The following PLA2R1 variants were observed in gnomAD, a reference collection of about 807,000 sequenced individuals.
PLA2R1 encodes secretory phospholipase A2 receptor.
A neutral mutation model predicts 195.9 loss-of-function variants in PLA2R1; 158 were observed. That is an observed-to-expected ratio of 0.81 (90% confidence interval 0.71 to 0.92). The LOEUF (loss-of-function observed/expected upper bound fraction) is 0.92, where lower values mean the gene tolerates loss of function less well. Ranked by LOEUF, PLA2R1 falls within the 40% of genes least tolerant of loss-of-function variation. The pLI, the probability that PLA2R1 is intolerant of heterozygous loss-of-function variation, is 0.00. For missense variants in PLA2R1, 1,626 were observed against 1,764.6 expected, an observed-to-expected ratio of 0.92 and a Z score of 1.41; for synonymous variants, 586 against 598.2, an observed-to-expected ratio of 0.98 and a Z score of 0.30.
chr2:160,057,097 G>A (rs1278646083), intron 1 of PLA2R1, among the ~76,000 whole-genome samples: 2 of 152,166 alleles, frequency 1.3e-5, no homozygotes. Context: ...TAGCTAGCAT[G>A]CTGTGAAGAA....
intron 8 of PLA2R1, among the ~76,000 whole-genome samples, chr2:160,017,314 C>T (rs1207461088): frequency 6.6e-6 from 1 of 152,122 alleles, no homozygotes; most frequent in African/African-American, 2.4e-5. Context: ...GCATTCCTAA[C>T]AAGTTTTCAG....
At chr2:160,052,612 T>A (rs1401322124) in intron 1 of PLA2R1, among the ~76,000 whole-genome samples, 5 of 152,246 alleles carry the variant, frequency 3.3e-5, no homozygotes, top group Non-Finnish European at 7.3e-5. Flanking sequence ...GTTGAAAATA[T>A]ACCATCTCAG....
At chr2:160,009,663 G>GA (rs1360214034) in intron 10 of PLA2R1, among the ~76,000 whole-genome samples, 1 of 151,938 alleles carries the variant, frequency 6.6e-6, no homozygotes, top group Non-Finnish European at 1.5e-5. Flanking sequence ...ACTGCACACT[G>GA]AAAAATGACT....
chr2:160,042,260 C>A, intron 2 of PLA2R1, 62 bp from the exon 3 acceptor site: 1 of 1,449,240 alleles, frequency 6.9e-7, no homozygotes, highest in Non-Finnish European at 9.6e-7. Context: ...TTGGAAACTG[C>A]TATATATCGA....
chr2:159,930,269 A>G (rs1022816599), downstream of PLA2R1, among the ~76,000 whole-genome samples: 4 of 152,140 alleles, frequency 2.6e-5, no homozygotes, highest in Non-Finnish European at 4.4e-5. Flanking sequence ...TTAGCCAGGC[A>G]TGGTGGCACG....
chr2:160,016,959 A>G (rs1692814370), intron 8 of PLA2R1, among the ~76,000 whole-genome samples: 1 of 152,144 alleles, frequency 6.6e-6, no homozygotes, highest in African/African-American at 2.4e-5. Context: ...ACTATTAACA[A>G]CTGGTGCTTC....
chr2:159,941,696 G>A lies in PLA2R1; in HGVS notation c.*82C>T. On this transcript the variant is annotated 3_prime_UTR_variant, in exon 30 of 30. Transcript: ENST00000283243. Reference sequence around the variant, plus strand: ...CAATTCACATTCTAATGGCATCTGTGCTGTAAAGGGAAAGACAGATGAGAC... The same window carrying A: ...CAATTCACATTCTAATGGCATCTGTACTGTAAAGGGAAAGACAGATGAGAC... The A allele has an allele frequency of 2.8e-6, 2 of 707,924 alleles. No homozygotes were observed. Among genetic ancestry groups the A allele is most frequent in the Non-Finnish European group, 5.0e-6 (2 of 401,158 alleles). 43.9% of individuals were successfully genotyped at this position (707,924 alleles called of 1,614,324 possible). A position where few individuals can be genotyped will look rare whatever the true frequency, so the allele number is the denominator to read the frequency against.
In PLA2R1 at chr2:159,951,407, T is replaced by C. The variant is rs142882313; in HGVS notation, c.3473A>G (p.Gln1158Arg). The change falls in exon 24 of 30, where the codon CAG (glutamine) becomes CGG (arginine). Residue 1158 changes from glutamine to arginine, a missense_variant. Coordinates refer to ENST00000283243, the MANE Select transcript of PLA2R1 (RefSeq NM_007366.5). The part of the protein sequence containing the change: ...QLVSITDQYH[Q>R]SFLTVVLNRL... ...GTTGAGGACAACAGTGAGGAAGGAC[T>C]GGTGATACTGGTCTGTGATGCTGAC... The C allele has an allele frequency of 3.1e-6, 5 of 1,613,888 alleles. No homozygotes were observed. In the African/African-American group the frequency reaches 5.3e-5, roughly 17 times the overall value.
intron 11 of PLA2R1, among the ~76,000 whole-genome samples, chr2:159,995,768 G>C (rs1007019447): frequency 6.6e-6 from 1 of 151,512 alleles, no homozygotes; most frequent in East Asian, 1.9e-4. Context: ...TTTAGTAACA[G>C]AGAGTTTTAG....
intron 16 of PLA2R1, 62 bp from the exon 17 acceptor site, chr2:159,976,287 A>G: frequency 8.4e-7 from 1 of 1,185,652 alleles, no homozygotes; most frequent in Non-Finnish European, 1.2e-6. Context: ...GATTGACCCC[A>G]AATTTGAGAT....
At chr2:159,981,216 C>CGTGTGTGTGTGT (rs3061613) in intron 13 of PLA2R1, among the ~76,000 whole-genome samples, 21 of 148,118 alleles carry the variant, frequency 1.4e-4, no homozygotes, top group African/African-American at 4.8e-4. Flanking sequence ...TATGTGCATA[C>CGTGTGTGTGTGT]GTGTGTGTGT....
At chr2:160,060,962 A>G (rs190893049) in intron 1 of PLA2R1, among the ~76,000 whole-genome samples, 12 of 152,388 alleles carry the variant, frequency 7.9e-5, no homozygotes, top group African/African-American at 2.9e-4. Context: ...AGGTAAGAGC[A>G]TCTCTGACTT....
At chr2:160,047,449 G>T (rs955106687) in intron 1 of PLA2R1, among the ~76,000 whole-genome samples, 12 of 152,128 alleles carry the variant, frequency 7.9e-5, no homozygotes, top group Non-Finnish European at 1.2e-4. Context: ...TCCCTCAAAG[G>T]CTTCTCTTCT....
Position 159,955,798 on chromosome 2 carries a change from G to T in PLA2R1, c.3053C>A (p.Thr1018Asn), listed in dbSNP as rs1214052485. Residue 1018 changes from threonine to asparagine, a missense_variant, in exon 22 of 30, where the codon ACC (threonine) becomes AAC (asparagine). Thr to Asn is a moderately conservative substitution (Grantham distance 65, BLOSUM62 0). Coordinates refer to ENST00000283243, the MANE Select transcript of PLA2R1 (RefSeq NM_007366.5). Reference protein sequence around the residue: ...AFITMNLFGQTTSVWIGLQND... With the variant: ...AFITMNLFGQNTSVWIGLQND... ...TTGTAAACCTATCCACACACTGGTG[G>T]TCTGGCCAAAAAGATTCATAGTAAT... 1.3e-6 allele frequency: 2 copies of T among 1,598,022 alleles called. No homozygotes were observed. Among genetic ancestry groups the T allele is most frequent in the Non-Finnish European group, 1.7e-6 (2 of 1,169,632 alleles).
In PLA2R1 at chr2:159,933,403, T is replaced by C. The variant is rs1333042041; in HGVS notation, c.*8375A>G. The C allele has an allele frequency of 3.9e-5, 6 of 152,214 alleles. No homozygotes were observed. The highest frequency in any genetic ancestry group is 1.4e-4 in the African/African-American group (6 of 41,444). 9.4% of individuals were successfully genotyped at this position (152,214 alleles called of 1,614,324 possible). ...GACCCCAAGCTAAAAACTTGCTTTCTAACTCAAAAAATACTAAAGAAAGCT... is the reference window on the plus strand; with the variant it reads ...GACCCCAAGCTAAAAACTTGCTTTCCAACTCAAAAAATACTAAAGAAAGCT... On this transcript the variant is annotated 3_prime_UTR_variant, in exon 30 of 30. Coordinates refer to ENST00000283243, the MANE Select transcript of PLA2R1 (RefSeq NM_007366.5).
At chr2:159,924,328 G>T in the PLA2R1 span, among the ~76,000 whole-genome samples, 7 of 152,122 alleles carry the variant, frequency 4.6e-5, no homozygotes, top group Admixed American at 2.6e-4. Context: ...GCCACATAAG[G>T]TAACATTCGG....
At chr2:160,033,486 G>C (rs574561838) in intron 3 of PLA2R1, among the ~76,000 whole-genome samples, 1 of 152,274 alleles carries the variant, frequency 6.6e-6, no homozygotes, top group South Asian at 2.1e-4. Flanking sequence ...TTGAAAACTT[G>C]TAACTTTAAA....
chr2:159,998,407 T>C (rs1300778247), intron 11 of PLA2R1, among the ~76,000 whole-genome samples: 3 of 152,132 alleles, frequency 2.0e-5, no homozygotes, highest in Non-Finnish European at 2.9e-5. Context: ...TTCCCTGAGA[T>C]CATAGAGCTG....
chr2:159,931,579 G>A (rs1484657282), downstream of PLA2R1, among the ~76,000 whole-genome samples: 2 of 151,966 alleles, frequency 1.3e-5, no homozygotes, highest in Admixed American at 1.3e-4. Flanking sequence ...TTTGAGACAG[G>A]GTCTCACTCT....
Sources: allele counts gnomAD v4.1 joint callset (sites outside exome capture counted in the v4.1 genomes callset), GRCh38; gene constraint gnomAD v4.1.1; transcripts MANE v1.5; gene names NCBI Gene and HGNC (gene_info 2026-07-23, HGNC 2026-07-21).